The following CACNG5 variants were observed in gnomAD, a reference collection of about 807,000 sequenced individuals.
CACNG5 encodes voltage-dependent calcium channel gamma-5 subunit.
CACNG5 carries 18 observed loss-of-function variants against 24.8 expected under a neutral mutation model. The observed-to-expected ratio is 0.73, with a 90% CI of 0.50 to 1.08. The LOEUF (loss-of-function observed/expected upper bound fraction) is 1.08, where lower values mean the gene tolerates loss of function less well. Among genes scored for constraint, CACNG5 ranks in the 50% least tolerant of loss-of-function variants. CACNG5 has a pLI of 0.00. For missense variants in CACNG5, 349 were observed against 367.9 expected, an observed-to-expected ratio of 0.95 and a Z score of 0.42; for synonymous variants, 157 against 149.1, an observed-to-expected ratio of 1.05 and a Z score of -0.39.
In CACNG5 at chr17:66,893,470, G is replaced by A. The variant is rs550381809; in HGVS notation, c.*8230G>A. On this transcript the variant is annotated 3_prime_UTR_variant, in exon 6 of 6. Coordinates refer to ENST00000533854, the MANE Select transcript of CACNG5 (RefSeq NM_145811.3). ...CGTGGTGGAACCTCGCCACACTCTT[G>A]TTCTGGATAAATTGAAGCAACTGGA... is the stretch of plus-strand genomic sequence containing the variant. Among the ~76,000 whole-genome samples the A allele has an allele frequency of 6.6e-6, 1 of 152,310 alleles. No homozygotes were observed. The highest frequency in any genetic ancestry group is 1.9e-4 in the East Asian group (1 of 5,192).
chr17:66,891,262 G>A lies in CACNG5; in HGVS notation c.*6022G>A, dbSNP rs891236257. On this transcript the variant is annotated 3_prime_UTR_variant, in exon 6 of 6. Coordinates refer to ENST00000533854, the MANE Select transcript of CACNG5 (RefSeq NM_145811.3). ...ATTCCTAAACCACAATCTGGCAAGG[G>A]GAACAGGGTGGCCATGTGCTCCAGT... 6.6e-6 allele frequency among the ~76,000 whole-genome samples: 1 copy of A among 152,172 alleles called. No individual in the cohort carries two copies. The highest frequency in any genetic ancestry group is 1.5e-5 in the Non-Finnish European group (1 of 68,026).
chr17:66,838,593 G>T (rs1976516331), intron 1 of CACNG5, among the ~76,000 whole-genome samples: 8 of 151,616 alleles, frequency 5.3e-5, no homozygotes, highest in Admixed American at 5.2e-4. Context: ...ATGCTCCAGG[G>T]GGCAGAGCCT....
In CACNG5 at chr17:66,891,613, A is replaced by T. The variant is rs1413037691; in HGVS notation, c.*6373A>T. Among the ~76,000 whole-genome samples, 1 of 152,180 alleles carries T rather than the reference A, an allele frequency of 6.6e-6. No individual in the cohort carries two copies. Among genetic ancestry groups the T allele is most frequent in the African/African-American group, 2.4e-5 (1 of 41,448 alleles). On this transcript the variant is annotated 3_prime_UTR_variant, in exon 6 of 6. Transcript: ENST00000533854. ...GTCCCAAGAGACAGGCAGAAGCTTC[A>T]TTGCCTTTCTGGAAGCAGCCTTTGA...
At chr17:66,878,851 T>G in intron 2 of CACNG5, 121 bp from the exon 3 acceptor site, 2 of 790,614 alleles carry the variant, frequency 2.5e-6, no homozygotes, top group Non-Finnish European at 4.2e-6. Flanking sequence ...TGGATCCAGC[T>G]CAGGTGCAAA....
intron 1 of CACNG5, among the ~76,000 whole-genome samples, chr17:66,843,853 C>G (rs1976599906): frequency 6.6e-6 from 1 of 152,108 alleles, no homozygotes; most frequent in African/African-American, 2.4e-5. Flanking sequence ...TGCAATTGCT[C>G]TCACACTGGG....
intron 1 of CACNG5, among the ~76,000 whole-genome samples, chr17:66,857,598 G>A (rs1247874281): frequency 1.3e-5 from 2 of 152,164 alleles, no homozygotes; most frequent in Admixed American, 6.5e-5. Context: ...TGGGGTATGT[G>A]TTCATACTTA....
rs139302264 is a variant in CACNG5, at chr17:66,862,442, T to C, written c.-103-14788T>C. On this transcript the variant is annotated intron_variant, in intron 1 of 5. Transcript: ENST00000533854. ...AGAGCTCTCTGTCTCTCTGTATATG[T>C]GTGTGTGTGTGCACATAGGCACATG... Among the ~76,000 whole-genome samples, 291 of 152,052 alleles carry C rather than the reference T, an allele frequency of 1.9e-3. 2 individuals are homozygous for C. The highest frequency in any genetic ancestry group is 6.8e-3 in the African/African-American group (282 of 41,480).
intron 1 of CACNG5, among the ~76,000 whole-genome samples, chr17:66,839,635 A>G (rs1485548692): frequency 2.1e-5 from 3 of 144,024 alleles, no homozygotes; most frequent in Non-Finnish European, 3.0e-5. Context: ...AGAGCTTCCA[A>G]GCAGCTGCAG....
At chr17:66,851,154 G>A (rs1976706144) in intron 1 of CACNG5, among the ~76,000 whole-genome samples, 1 of 152,136 alleles carries the variant, frequency 6.6e-6, no homozygotes, top group African/African-American at 2.4e-5. Flanking sequence ...GAAGGTGGAG[G>A]AGGGTCTCCT....
intron 1 of CACNG5, among the ~76,000 whole-genome samples, chr17:66,836,642 A>C (rs1049457466): frequency 6.6e-6 from 1 of 152,218 alleles, no homozygotes; most frequent in East Asian, 1.9e-4. Flanking sequence ...TCTCAGGGCC[A>C]GGTCCCCAGG....
intron 1 of CACNG5, among the ~76,000 whole-genome samples, chr17:66,848,058 G>A (rs1976661457): frequency 6.6e-6 from 1 of 152,188 alleles, no homozygotes; most frequent in African/African-American, 2.4e-5. Context: ...CATGGAAAAT[G>A]TCTTTCTCAC....
chr17:66,878,063 G>C (rs1397130891), intron 2 of CACNG5, among the ~76,000 whole-genome samples: 1 of 152,214 alleles, frequency 6.6e-6, no homozygotes, highest in Non-Finnish European at 1.5e-5. Flanking sequence ...GGAAACACAT[G>C]AGCAGGTCCC....
At chr17:66,867,886 G>C (rs936759852) in intron 1 of CACNG5, among the ~76,000 whole-genome samples, 2 of 152,214 alleles carry the variant, frequency 1.3e-5, no homozygotes, top group Non-Finnish European at 2.9e-5. Flanking sequence ...TTGTAGTATA[G>C]TTTGAAGTCA....
intron 2 of CACNG5, among the ~76,000 whole-genome samples, chr17:66,878,496 C>T (rs1330046755): frequency 2.6e-5 from 4 of 152,208 alleles, no homozygotes; most frequent in Non-Finnish European, 5.9e-5. Context: ...CTTCTTCTGC[C>T]TCAGACTGCG....
intron 1 of CACNG5, among the ~76,000 whole-genome samples, chr17:66,870,122 A>G (rs1036580391): frequency 2.6e-5 from 4 of 152,156 alleles, no homozygotes; most frequent in Non-Finnish European, 5.9e-5. Flanking sequence ...AGATAATGGT[A>G]TAAAACAACA....
intron 1 of CACNG5, among the ~76,000 whole-genome samples, chr17:66,838,345 C>G (rs952352800): frequency 3.3e-5 from 5 of 151,422 alleles, no homozygotes; most frequent in African/African-American, 1.2e-4. Context: ...CCTGAAAAGG[C>G]CTGTGGAGGT....
chr17:66,847,843 T>A (rs1349009927), intron 1 of CACNG5, among the ~76,000 whole-genome samples: 1 of 152,210 alleles, frequency 6.6e-6, no homozygotes, highest in African/African-American at 2.4e-5. Context: ...CTCACCTTGC[T>A]CTGCAGAAGG....
chr17:66,884,492 C>T, intron 4 of CACNG5, 24 bp from the exon 5 acceptor site: 1 of 1,585,948 alleles, frequency 6.3e-7, no homozygotes, highest in Non-Finnish European at 8.6e-7. Flanking sequence ...GCTGAGCATC[C>T]CCTCTCCCCT....
chr17:66,877,105 G>A, intron 1 of CACNG5, 125 bp from the exon 2 acceptor site: 3 of 519,728 alleles, frequency 5.8e-6, no homozygotes, highest in Non-Finnish European at 1.0e-5. Context: ...GCGGGGTTAG[G>A]GGGAGGGTGG....
Sources: allele counts gnomAD v4.1 joint callset (sites outside exome capture counted in the v4.1 genomes callset), GRCh38; gene constraint gnomAD v4.1.1; transcripts MANE v1.5; gene names NCBI Gene and HGNC (gene_info 2026-07-23, HGNC 2026-07-21).